RMDN2: variants seen among roughly 807,000 people sequenced by gnomAD.
RMDN2 encodes the protein regulator of microtubule dynamics 2.
A neutral mutation model predicts 52.8 loss-of-function variants in RMDN2; 61 were observed. The ratio of observed to expected loss-of-function variants is 1.16; its 90% CI spans 0.94 to 1.43. RMDN2 has a LOEUF of 1.43. Among genes scored for constraint, RMDN2 ranks in the 40% most tolerant of loss-of-function variants. The pLI is 0.00. For missense variants in RMDN2, 592 were observed against 475.3 expected, an observed-to-expected ratio of 1.25 and a Z score of -2.28; for synonymous variants, 180 against 153.1, an observed-to-expected ratio of 1.18 and a Z score of -1.30.
At chr2:37,972,674 T>C (rs1020985508) in intron 2 of RMDN2, among the ~76,000 whole-genome samples, 3 of 152,210 alleles carry the variant, frequency 2.0e-5, no homozygotes, top group African/African-American at 7.2e-5. Flanking sequence ...TAAGGGGTCA[T>C]TGCAGTAATC....
Position 38,013,228 on chromosome 2 carries a change from C to A in RMDN2, c.1180-3958C>A, listed in dbSNP as rs150646342. On this transcript the variant is annotated intron_variant, in intron 10 of 10. Transcript: ENST00000354545. ...CACTGGCAACCTGAAAGTTGTTTGC[C>A]TGGAGGCAGTATTAAAGTTCATCAA... Among the ~76,000 whole-genome samples, 620 of 152,264 alleles carry A rather than the reference C, an allele frequency of 4.1e-3. 1 individual carries two copies. The highest frequency in any genetic ancestry group is 0.014 in the African/African-American group (575 of 41,544).
In RMDN2 at chr2:37,974,087, C is replaced by T. The variant is rs1210533385; in HGVS notation, c.500C>T (p.Pro167Leu). ...ACAGAAGAACAGAGTTTTCCAGTCC[C>T]TAAGGCATTTAACACACGTGTAGAG... ...TDTEEQSFPV[P>L]KAFNTRVEEL... The change falls in exon 3 of 11, where the codon CCT (proline) becomes CTT (leucine). Residue 167 changes from proline to leucine, a missense_variant. By Grantham distance (98) the Pro-to-Leu change is moderately conservative. Coordinates refer to ENST00000354545, the MANE Select transcript of RMDN2 (RefSeq NM_001170791.3). 1 of 1,612,878 alleles carries T rather than the reference C, an allele frequency of 6.2e-7. No homozygotes were observed. The highest frequency in any genetic ancestry group is 1.1e-5 in the South Asian group (1 of 90,896).
At chr2:38,065,104 C>A (rs1307478337) in intron 10 of RMDN2, among the ~76,000 whole-genome samples, 3 of 151,996 alleles carry the variant, frequency 2.0e-5, no homozygotes, top group African/African-American at 7.2e-5. Flanking sequence ...GTATCTATTC[C>A]CAAGAGAGTG....
At chr2:38,059,960 C>T (rs1159351690) in intron 10 of RMDN2, among the ~76,000 whole-genome samples, 1 of 151,980 alleles carries the variant, frequency 6.6e-6, no homozygotes, top group Non-Finnish European at 1.5e-5. Flanking sequence ...TGCAGTGACT[C>T]GATCTCGGCT....
At chr2:38,045,646 A>AAT (rs1553389736) in intron 10 of RMDN2, among the ~76,000 whole-genome samples, 4 of 152,040 alleles carry the variant, frequency 2.6e-5, no homozygotes, top group Non-Finnish European at 5.9e-5. Context: ...ACATAAAAAA[A>AAT]TTAAGAAGCA....
intron 10 of RMDN2, among the ~76,000 whole-genome samples, chr2:38,056,578 T>C (rs1386260338): frequency 6.6e-6 from 1 of 152,220 alleles, no homozygotes; most frequent in Non-Finnish European, 1.5e-5. Flanking sequence ...TATAAAACTA[T>C]ATTACACTTG....
At chr2:37,961,958 A>C (rs915451895) in intron 2 of RMDN2, among the ~76,000 whole-genome samples, 1 of 152,186 alleles carries the variant, frequency 6.6e-6, no homozygotes, top group African/African-American at 2.4e-5. Flanking sequence ...CTCTTCTGCA[A>C]GTCTGCTGGA....
At chr2:38,004,454 C>T (rs1676781560) in intron 10 of RMDN2, among the ~76,000 whole-genome samples, 1 of 152,118 alleles carries the variant, frequency 6.6e-6, no homozygotes, top group Non-Finnish European at 1.5e-5. Context: ...ACATTCATCG[C>T]CTCACATAGT....
intron 2 of RMDN2, among the ~76,000 whole-genome samples, chr2:37,973,407 G>A (rs920384759): frequency 6.6e-6 from 1 of 152,264 alleles, no homozygotes; most frequent in East Asian, 1.9e-4. Context: ...CATCCATTCA[G>A]CAAATTCAGT....
At chr2:37,921,232 C>T (rs1003218976), upstream of RMDN2, among the ~76,000 whole-genome samples, 1 of 152,148 alleles carries the variant, frequency 6.6e-6, no homozygotes, top group Non-Finnish European at 1.5e-5. Context: ...ATTTATTGCA[C>T]TAATCACTTA....
chr2:37,981,242 C>A, intron 4 of RMDN2, 41 bp from the exon 5 acceptor site: 1 of 1,204,046 alleles, frequency 8.3e-7, no homozygotes, highest in Non-Finnish European at 1.2e-6. Flanking sequence ...CTCCTACCAA[C>A]TCACATGAAG....
intron 2 of RMDN2, chr2:37,950,211 C>CTCGGTGGTCGCCGTATCATTAAA: frequency 2.8e-6 from 1 of 360,536 alleles, no homozygotes; most frequent in South Asian, 2.7e-5. Flanking sequence ...AGAGATGGTC[C>CTCGGTGGTCGCCGTATCATTAAA]AAGGTGAGAG....
intron 10 of RMDN2, among the ~76,000 whole-genome samples, chr2:38,016,192 A>G (rs1432548873): frequency 2.0e-5 from 3 of 152,234 alleles, no homozygotes; most frequent in Admixed American, 6.5e-5. Flanking sequence ...CATCAGATTC[A>G]TATGTGGGAA....
intron 10 of RMDN2, among the ~76,000 whole-genome samples, chr2:38,010,613 C>G (rs192149760): frequency 8.1e-4 from 123 of 152,280 alleles, no homozygotes; most frequent in African/African-American, 2.9e-3. Context: ...GTTTGTCACC[C>G]CTTTCTTTGA....
At chr2:37,971,301 T>C (rs1671778058) in intron 2 of RMDN2, among the ~76,000 whole-genome samples, 1 of 152,156 alleles carries the variant, frequency 6.6e-6, no homozygotes, top group South Asian at 2.1e-4. Context: ...CATTTGCTTA[T>C]CCATTTGTTC....
chr2:37,926,174 A>T (rs1040192516), intron 1 of RMDN2, among the ~76,000 whole-genome samples: 3 of 152,222 alleles, frequency 2.0e-5, no homozygotes, highest in Non-Finnish European at 4.4e-5. Flanking sequence ...TATTAGAGTT[A>T]TGCATTTTAT....
At chr2:38,037,978 T>C (rs1460121648) in intron 10 of RMDN2, among the ~76,000 whole-genome samples, 1 of 152,198 alleles carries the variant, frequency 6.6e-6, no homozygotes, top group African/African-American at 2.4e-5. Flanking sequence ...CTCGGTGTTC[T>C]GTAGCCTGCA....
rs114725342 is a variant in RMDN2 at position 38,017,110 on chromosome 2, G to C, written c.1180-76G>C. 1,552 of 892,018 alleles carry C rather than the reference G, an allele frequency of 1.7e-3. 5 individuals carry two copies. Among genetic ancestry groups the C allele is most frequent in the Middle Eastern group, 5.5e-3 (16 of 2,904 alleles). The allele number at this position is 892,018 out of a possible 1,614,324, so 55.3% of individuals were successfully genotyped here. On this transcript the variant is annotated intron_variant, in intron 10 of 10. Transcript: ENST00000354545. The stretch of plus-strand genomic sequence containing the variant: ...TGTTGGGGAATCTCCTCAAGTCAGT[G>C]TAAGTCTGTTTCAGCATGCTAGAGT...
intron 2 of RMDN2, among the ~76,000 whole-genome samples, chr2:37,957,120 G>T (rs374434847): frequency 3.9e-5 from 6 of 152,100 alleles, no homozygotes; most frequent in African/African-American, 1.4e-4. Flanking sequence ...AAACATACAG[G>T]TGTATGTTAT....
Sources: allele counts gnomAD v4.1 joint callset (sites outside exome capture counted in the v4.1 genomes callset), GRCh38; gene constraint gnomAD v4.1.1; transcripts MANE v1.5; gene names NCBI Gene and HGNC (gene_info 2026-07-23, HGNC 2026-07-21).